LRFN5: variants seen among roughly 807,000 people sequenced by gnomAD.
LRFN5 encodes the protein leucine rich repeat and fibronectin type III domain containing 5.
In LRFN5, 24 loss-of-function variants were observed where a neutral mutation model predicts 45.6. The ratio of observed to expected loss-of-function variants is 0.53; its 90% CI spans 0.38 to 0.74. The LOEUF (loss-of-function observed/expected upper bound fraction) is 0.74, where lower values mean the gene tolerates loss of function less well. Ranked by LOEUF, LRFN5 falls within the 30% of genes least tolerant of loss-of-function variation. The pLI, the probability that LRFN5 is intolerant of heterozygous loss-of-function variation, is 0.00. For missense variants in LRFN5, 776 were observed against 861.5 expected (o/e 0.90, Z 1.24); for synonymous variants, 340 against 313.8 (o/e 1.08, Z -0.88).
At chr14:41,816,462 G>T (rs1887921142) in intron 2 of LRFN5, among the ~76,000 whole-genome samples, 1 of 151,768 alleles carries the variant, frequency 6.6e-6, no homozygotes, top group East Asian at 1.9e-4. Flanking sequence ...TTTATGGAAA[G>T]TCTACTGGCA....
intron 2 of LRFN5, among the ~76,000 whole-genome samples, chr14:41,863,491 T>C (rs1016640219): frequency 1.3e-5 from 2 of 152,210 alleles, no homozygotes; most frequent in Admixed American, 1.3e-4. Context: ...TAATTCAGAA[T>C]GTTTTCTAAT....
intron 1 of LRFN5, among the ~76,000 whole-genome samples, chr14:41,706,141 C>A (rs1473289566): frequency 6.6e-6 from 1 of 151,580 alleles, no homozygotes; most frequent in African/African-American, 2.4e-5. Flanking sequence ...GCACTTGTTG[C>A]CCAGGCTGGA....
intron 3 of LRFN5, among the ~76,000 whole-genome samples, chr14:41,890,012 C>G (rs1452948618): frequency 6.6e-6 from 1 of 152,000 alleles, no homozygotes; most frequent in African/African-American, 2.4e-5. Context: ...TACAGGTGCC[C>G]GCCACCACTC....
chr14:41,792,814 A>C (rs1160746089), intron 2 of LRFN5, among the ~76,000 whole-genome samples: 1 of 152,058 alleles, frequency 6.6e-6, no homozygotes, highest in Non-Finnish European at 1.5e-5. Context: ...AGTGGTCCTG[A>C]GGTGACCTAT....
intron 1 of LRFN5, among the ~76,000 whole-genome samples, chr14:41,631,812 A>G (rs973302454): frequency 1.3e-5 from 2 of 152,224 alleles, no homozygotes; most frequent in Non-Finnish European, 2.9e-5. Context: ...CAAAGGGCAA[A>G]TGCGGCTAAA....
At chr14:41,699,383 T>A (rs923185812) in intron 1 of LRFN5, 6 of 152,076 alleles carry the variant, frequency 3.9e-5, no homozygotes, top group Non-Finnish European at 8.8e-5. Context: ...CTGCGCCTTT[T>A]CAGGATAAGA....
intron 1 of LRFN5, among the ~76,000 whole-genome samples, chr14:41,674,750 C>T (rs1338605551): frequency 6.6e-6 from 1 of 151,890 alleles, no homozygotes. Context: ...GGCGGAGACG[C>T]TCCTCACTTC....
At chr14:41,867,918 A>G (rs1889894558) in intron 2 of LRFN5, among the ~76,000 whole-genome samples, 1 of 151,998 alleles carries the variant, frequency 6.6e-6, no homozygotes, top group African/African-American at 2.4e-5. Flanking sequence ...TAGGGGAGAG[A>G]TCTTCCAGGA....
chr14:41,707,159 G>C (rs1883100880), intron 1 of LRFN5, among the ~76,000 whole-genome samples: 1 of 152,160 alleles, frequency 6.6e-6, no homozygotes, highest in African/African-American at 2.4e-5. Flanking sequence ...TACATTGTTG[G>C]AAGAAGGCCT....
intron 1 of LRFN5, among the ~76,000 whole-genome samples, chr14:41,676,479 C>G (rs1881633513): frequency 6.6e-6 from 1 of 152,188 alleles, no homozygotes; most frequent in African/African-American, 2.4e-5. Flanking sequence ...TTGAGAGAAA[C>G]TAAGAGGAGG....
chr14:41,737,206 T>C (rs1010197045), intron 1 of LRFN5, among the ~76,000 whole-genome samples: 4 of 152,048 alleles, frequency 2.6e-5, no homozygotes, highest in Non-Finnish European at 5.9e-5. Context: ...TATATGCAAA[T>C]CAATAAATGT....
At chr14:41,669,154 T>A (rs1881044435) in intron 1 of LRFN5, among the ~76,000 whole-genome samples, 1 of 151,926 alleles carries the variant, frequency 6.6e-6, no homozygotes, top group African/African-American at 2.4e-5. Context: ...TAAACCAATG[T>A]GAAGAGGTAA....
intron 1 of LRFN5, among the ~76,000 whole-genome samples, chr14:41,760,270 A>C (rs1030559135): frequency 6.6e-6 from 1 of 152,158 alleles, no homozygotes; most frequent in African/African-American, 2.4e-5. Context: ...CTTAATATTC[A>C]GACATAGGGT....
chr14:41,891,464 G>A lies in LRFN5; in HGVS notation c.1600G>A (p.Gly534Ser), dbSNP rs1229524372. The A allele has an allele frequency of 6.2e-7, 1 of 1,613,938 alleles. No individual in the cohort carries two copies. Among genetic ancestry groups the A allele is most frequent in the Admixed American group, 1.7e-5 (1 of 60,000 alleles). ...FLGGTMIIII[G>S]GIIVASVLVF... ...GGGAGGCACCATGATTATTATTATTGGTGGAATCATTGTAGCATCTGTGCT... is the reference window on the plus strand; with the variant it reads ...GGGAGGCACCATGATTATTATTATTAGTGGAATCATTGTAGCATCTGTGCT... The change falls in exon 4 of 6, where the codon GGT becomes AGT. Residue 534 changes from glycine (G) to serine (S), a missense_variant. By Grantham distance (56) the Gly-to-Ser change is moderately conservative (BLOSUM62 0). Coordinates refer to ENST00000298119, the MANE Select transcript of LRFN5 (RefSeq NM_152447.5).
chr14:41,703,727 C>T (rs1185345171), intron 1 of LRFN5, among the ~76,000 whole-genome samples: 1 of 151,866 alleles, frequency 6.6e-6, no homozygotes, highest in Non-Finnish European at 1.5e-5. Flanking sequence ...TCATGGTAAC[C>T]CTTTGAAAAT....
At chr14:41,801,644 G>A (rs1234248630) in intron 2 of LRFN5, among the ~76,000 whole-genome samples, 2 of 152,174 alleles carry the variant, frequency 1.3e-5, no homozygotes, top group Non-Finnish European at 2.9e-5. Flanking sequence ...GAATCTCGCA[G>A]CCTGTGCTCA....
intron 1 of LRFN5, among the ~76,000 whole-genome samples, chr14:41,615,570 A>G (rs998535832): frequency 6.6e-6 from 1 of 152,084 alleles, no homozygotes; most frequent in Non-Finnish European, 1.5e-5. Flanking sequence ...TTGTTATCCA[A>G]ATTTTTGCTG....
intron 2 of LRFN5, among the ~76,000 whole-genome samples, chr14:41,775,681 C>T (rs1886264201): frequency 6.6e-6 from 1 of 151,976 alleles, no homozygotes; most frequent in African/African-American, 2.4e-5. Flanking sequence ...AGAAATCATC[C>T]ACAATTGAAA....
intron 2 of LRFN5, among the ~76,000 whole-genome samples, chr14:41,849,651 T>C (rs17181762): frequency 0.34 from 51,231 of 151,872 alleles, 9,695 homozygotes; most frequent in Non-Finnish European, 0.43. Context: ...AAGATTTCTC[T>C]GTCTCTTTTA....
Sources: allele counts gnomAD v4.1 joint callset (sites outside exome capture counted in the v4.1 genomes callset), GRCh38; gene constraint gnomAD v4.1.1; transcripts MANE v1.5; gene names NCBI Gene and HGNC (gene_info 2026-07-23, HGNC 2026-07-21).